SPIDR: variants seen among roughly 807,000 people sequenced by gnomAD.
SPIDR encodes scaffold protein involved in DNA repair.
A neutral mutation model predicts 104.6 loss-of-function variants in SPIDR; 93 were observed. That is an observed-to-expected ratio of 0.89 (90% CI 0.75 to 1.06). The LOEUF (loss-of-function observed/expected upper bound fraction) is 1.06. Among genes scored for constraint, SPIDR ranks in the 50% least tolerant of loss-of-function variants. The pLI, the probability that SPIDR is intolerant of heterozygous loss-of-function variation, is 0.00. For missense variants in SPIDR, 1,154 were observed against 1,111.2 expected, an observed-to-expected ratio of 1.04 and a Z score of -0.55; for synonymous variants, 431 against 416.9, an observed-to-expected ratio of 1.03 and a Z score of -0.41.
intron 5 of SPIDR, among the ~76,000 whole-genome samples, chr8:47,313,432 A>C (rs1413629600): frequency 6.6e-6 from 1 of 152,236 alleles, no homozygotes; most frequent in Non-Finnish European, 1.5e-5. Flanking sequence ...CAAATGGAAG[A>C]ACATTCCGTG....
chr8:47,568,337 G>T (rs139986704), intron 8 of SPIDR, among the ~76,000 whole-genome samples: 143 of 152,224 alleles, frequency 9.4e-4, no homozygotes, highest in Middle Eastern at 3.4e-3. Context: ...ACAATACTTG[G>T]CACAGACTAA....
chr8:47,685,449 T>C (rs769552693), intron 11 of SPIDR, among the ~76,000 whole-genome samples: 3 of 151,668 alleles, frequency 2.0e-5, no homozygotes, highest in Non-Finnish European at 4.4e-5. Context: ...ACAGAAATTA[T>C]AATTATCTAC....
Position 47,260,946 on chromosome 8 carries a change from G to A in SPIDR, c.-13G>A. ...CGCTGAGGAGGCGGTGCGCTCAGGC[G>A]GCGCTCCCGGAGATGCCCCGCGGCA... On this transcript the variant is annotated 5_prime_UTR_variant, in exon 1 of 20. Transcript: ENST00000297423. The A allele has an allele frequency of 8.1e-7, 1 of 1,228,530 alleles. No homozygotes were observed. The highest frequency in any genetic ancestry group is 3.9e-5 in the South Asian group (1 of 25,700). 76.1% of individuals were successfully genotyped at this position (1,228,530 alleles called of 1,614,324 possible).
At chr8:47,366,079 A>G (rs1347038740) in intron 5 of SPIDR, among the ~76,000 whole-genome samples, 2 of 152,176 alleles carry the variant, frequency 1.3e-5, no homozygotes, top group Non-Finnish European at 2.9e-5. Flanking sequence ...CAAGGTAAAG[A>G]TAAAACCAGG....
intron 8 of SPIDR, among the ~76,000 whole-genome samples, chr8:47,552,690 C>G (rs1456273373): frequency 6.6e-6 from 1 of 152,144 alleles, no homozygotes. Context: ...ACACAGCACA[C>G]TGATGTGTCT....
chr8:47,458,783 T>G (rs1226553197), intron 8 of SPIDR, among the ~76,000 whole-genome samples: 1 of 151,804 alleles, frequency 6.6e-6, no homozygotes, highest in Non-Finnish European at 1.5e-5. Context: ...TTTATTACAT[T>G]GAGGTACATC....
chr8:47,362,132 A>T (rs905768748), intron 5 of SPIDR, among the ~76,000 whole-genome samples: 10 of 152,188 alleles, frequency 6.6e-5, no homozygotes, highest in Admixed American at 2.0e-4. Flanking sequence ...GTGTATTTGC[A>T]TGCAAGTGTG....
At chr8:47,334,860 T>A (rs765036754) in intron 5 of SPIDR, among the ~76,000 whole-genome samples, 7 of 152,182 alleles carry the variant, frequency 4.6e-5, no homozygotes, top group Non-Finnish European at 1.0e-4. Flanking sequence ...GCATTTTATA[T>A]GATTCTATTT....
Position 47,495,402 on chromosome 8 carries a change from GAT to G in SPIDR, c.1097+54864_1097+54865del, listed in dbSNP as rs1402750651. ...CCCCTCCCACCCAAAAAAAAAAAAAGATATAATTAACATAGTATACAATTCTT... is the reference window on the plus strand; with the variant it reads ...CCCCTCCCACCCAAAAAAAAAAAAAGATAATTAACATAGTATACAATTCTT... On this transcript the variant is annotated intron_variant, in intron 8 of 19. Transcript: ENST00000297423. 8.1e-4 allele frequency among the ~76,000 whole-genome samples: 122 copies of G among 150,298 alleles called. 3 individuals are homozygous for G. Among genetic ancestry groups the G allele is most frequent in the Admixed American group, 8.0e-3 (121 of 15,104 alleles).
At chr8:47,451,581 AACAC>A (rs56269650) in intron 8 of SPIDR, among the ~76,000 whole-genome samples, 155 of 147,236 alleles carry the variant, frequency 1.1e-3, no homozygotes, top group Non-Finnish European at 1.3e-3. Context: ...ACCCTGCCAA[AACAC>A]ACACACACAC....
intron 8 of SPIDR, among the ~76,000 whole-genome samples, chr8:47,545,340 ATT>A (rs1339983593): frequency 6.6e-6 from 1 of 151,770 alleles, no homozygotes; most frequent in Non-Finnish European, 1.5e-5. Flanking sequence ...AAGTGCTAGG[ATT>A]ACAGGTGTGA....
intron 1 of SPIDR, among the ~76,000 whole-genome samples, chr8:47,271,986 T>A (rs1360680457): frequency 6.6e-6 from 1 of 151,862 alleles, no homozygotes; most frequent in South Asian, 2.1e-4. Context: ...TTTTTTTTTC[T>A]TTTTTTGAGA....
intron 8 of SPIDR, among the ~76,000 whole-genome samples, chr8:47,560,751 T>C (rs2056963600): frequency 6.6e-6 from 1 of 152,196 alleles, no homozygotes; most frequent in Non-Finnish European, 1.5e-5. Flanking sequence ...ATCCTTCCTT[T>C]ATATGGATCG....
At chr8:47,715,057 C>T (rs1361532495) in intron 16 of SPIDR, among the ~76,000 whole-genome samples, 3 of 152,128 alleles carry the variant, frequency 2.0e-5, no homozygotes, top group Admixed American at 6.6e-5. Flanking sequence ...AACCCATACC[C>T]GTTATCATTC....
At chr8:47,706,739 G>A (rs570018788) in intron 14 of SPIDR, among the ~76,000 whole-genome samples, 279 of 152,194 alleles carry the variant, frequency 1.8e-3, no homozygotes, top group Non-Finnish European at 3.4e-3. Context: ...TTTCCTACTA[G>A]GATTACCATA....
chr8:47,551,643 T>A (rs1404964450), intron 8 of SPIDR, among the ~76,000 whole-genome samples: 2 of 152,240 alleles, frequency 1.3e-5, no homozygotes, highest in African/African-American at 2.4e-5. Context: ...TTATTACGTC[T>A]ATCTGATTCT....
intron 10 of SPIDR, among the ~76,000 whole-genome samples, chr8:47,670,347 C>T (rs2154471234): frequency 6.6e-6 from 1 of 152,204 alleles, no homozygotes; most frequent in East Asian, 1.9e-4. Context: ...TACTTTTATA[C>T]CTGCTCTCAG....
intron 10 of SPIDR, among the ~76,000 whole-genome samples, chr8:47,646,831 A>C: frequency 6.6e-6 from 1 of 152,248 alleles, no homozygotes; most frequent in African/African-American, 2.4e-5. Context: ...AATTATATAT[A>C]TTACTCAGAA....
At chr8:47,615,369 G>T (rs1345113245) in intron 10 of SPIDR, among the ~76,000 whole-genome samples, 1 of 151,844 alleles carries the variant, frequency 6.6e-6, no homozygotes, top group African/African-American at 2.4e-5. Context: ...GTTTTAGCCT[G>T]TGTATGCATT....
Sources: allele counts gnomAD v4.1 joint callset (sites outside exome capture counted in the v4.1 genomes callset), GRCh38; gene constraint gnomAD v4.1.1; transcripts MANE v1.5; gene names NCBI Gene and HGNC (gene_info 2026-07-23, HGNC 2026-07-21).